PCDHA6: variants seen among roughly 807,000 people sequenced by gnomAD.
PCDHA6 encodes the protein protocadherin alpha 6.
In PCDHA6, 55 loss-of-function variants were observed where a neutral mutation model predicts 60.3. That is an observed-to-expected ratio of 0.91 (90% CI 0.73 to 1.14). PCDHA6 has a LOEUF of 1.14. Ranked by LOEUF, PCDHA6 falls within the 50% of genes most tolerant of loss-of-function variation. The pLI is 0.00. For missense variants in PCDHA6, 1,327 were observed against 1,256.5 expected, an observed-to-expected ratio of 1.06 and a Z score of -0.85; for synonymous variants, 652 against 557.9, an observed-to-expected ratio of 1.17 and a Z score of -2.38.
At chr5:140,863,467 G>C (rs2048034330) in intron 1 of PCDHA6, 2 of 502,402 alleles carry the variant, frequency 4.0e-6, no homozygotes, top group Non-Finnish European at 7.8e-6. Context: ...TTTTACTCTG[G>C]AGAGTCGCCT....
chr5:140,876,970 G>C, intron 1 of PCDHA6: 1 of 1,612,850 alleles, frequency 6.2e-7, no homozygotes. Context: ...GCGGCGGGTG[G>C]GCGAGCACGC....
At chr5:140,932,059 AT>A (rs2087988463) in intron 1 of PCDHA6, among the ~76,000 whole-genome samples, 1 of 151,936 alleles carries the variant, frequency 6.6e-6, no homozygotes, top group Non-Finnish European at 1.5e-5. Context: ...AATACTAAAA[AT>A]TATCAGTTTA....
At chr5:140,999,280 T>C (rs782502393) in intron 3 of PCDHA6, among the ~76,000 whole-genome samples, 2 of 152,228 alleles carry the variant, frequency 1.3e-5, no homozygotes, top group Non-Finnish European at 2.9e-5. Context: ...ATAGTAGTAA[T>C]ACCCATTCTT....
In PCDHA6 at chr5:140,868,996, G is replaced by A. The variant is rs2050789342; in HGVS notation, c.2394+38511G>A. ...CATCATACCGGATGCCACCGTTTAA[G>A]GATCCTTTGAAACTTCTTAAGAATT... is the stretch of plus-strand genomic sequence containing the variant. On this transcript the variant is annotated intron_variant, in intron 1 of 3. Transcript: ENST00000529310. The A allele has an allele frequency of 2.6e-6, 4 of 1,516,490 alleles. No individual in the cohort carries two copies. The African/African-American group carries it at 4.2e-5, about 16-fold the overall frequency. 93.9% of individuals were successfully genotyped at this position (1,516,490 alleles called of 1,614,324 possible).
At chr5:140,884,585 A>C in intron 1 of PCDHA6, 2 of 1,614,190 alleles carry the variant, frequency 1.2e-6, no homozygotes, top group Non-Finnish European at 1.7e-6. Context: ...CATGGCCTTC[A>C]GTCCCAGCCT....
At chr5:140,970,156 T>C (rs933887683) in intron 1 of PCDHA6, among the ~76,000 whole-genome samples, 6 of 152,188 alleles carry the variant, frequency 3.9e-5, no homozygotes, top group African/African-American at 1.4e-4. Context: ...CTCCCAATAG[T>C]CACCTTTCTT....
Position 140,875,195 on chromosome 5 carries a change from G to A in PCDHA6, c.2394+44710G>A, listed in dbSNP as rs1554167540. On this transcript the variant is annotated intron_variant, in intron 1 of 3. Transcript: ENST00000529310. ...AACATTAGAATTAAGAGTGACCCAG[G>A]AAGTGGCTAAACCGAAAAGAACCTC... is the stretch of plus-strand genomic sequence containing the variant. The A allele has an allele frequency of 1.5e-5, 8 of 526,354 alleles. No individual in the cohort carries two copies. The Admixed American group carries it at 1.6e-4, about 10-fold the overall frequency. 32.6% of individuals were successfully genotyped at this position (526,354 alleles called of 1,614,324 possible). A position where few individuals can be genotyped will look rare whatever the true frequency, so the allele number is the denominator to read the frequency against.
At chr5:140,840,282 G>A (rs1294599981) in intron 1 of PCDHA6, among the ~76,000 whole-genome samples, 2 of 151,906 alleles carry the variant, frequency 1.3e-5, no homozygotes, top group Non-Finnish European at 2.9e-5. Flanking sequence ...TGGGTTTTGG[G>A]TGATTATTGA....
intron 1 of PCDHA6, chr5:140,882,793 C>T (rs1176435531): frequency 1.9e-6 from 3 of 1,614,210 alleles, no homozygotes; most frequent in Non-Finnish European, 2.5e-6. Context: ...TGGATCCCAA[C>T]GATTATTTCA....
chr5:140,846,377 T>TCTC (rs1780417779), intron 1 of PCDHA6, among the ~76,000 whole-genome samples: 1 of 134,692 alleles, frequency 7.4e-6, no homozygotes, highest in African/African-American at 2.7e-5. Flanking sequence ...TTCTTTCTTT[T>TCTC]TTTTTTTTTT....
At position 140,879,431 on chromosome 5, in the gene PCDHA6, T is replaced by G. The variant is rs78313657; in HGVS notation, c.2394+48946T>G. 2.0e-5 allele frequency among the ~76,000 whole-genome samples: 3 copies of G among 152,202 alleles called. No homozygotes were observed. In the East Asian group the frequency reaches 5.8e-4, roughly 29 times the overall value. The stretch of plus-strand genomic sequence containing the variant: ...AGCAGGTAGGGAATGGAGATGAACA[T>G]TTAAGAAAATGTTACTTTGAAGTCC... On this transcript the variant is annotated intron_variant, in intron 1 of 3. Transcript: ENST00000529310.
chr5:140,830,593 A>G lies in PCDHA6; in HGVS notation c.2394+108A>G, dbSNP rs1771152792. 4.2e-6 allele frequency: 3 copies of G among 705,892 alleles called. No individual in the cohort carries two copies. The South Asian group carries it at 1.3e-4, about 30-fold the overall frequency. The allele number at this position is 705,892 out of a possible 1,614,324, so 43.7% of individuals were successfully genotyped here. A position where few individuals can be genotyped will look rare whatever the true frequency, so the allele number is the denominator to read the frequency against. ...TTTTTAATTTTTAATTAATTTTACA[A>G]AATTACATATTTTCATTTTATTGTG... On this transcript the variant is annotated intron_variant, in intron 1 of 3. Coordinates refer to ENST00000529310, the MANE Select transcript of PCDHA6 (RefSeq NM_018909.4).
At chr5:140,904,113 G>C (rs1051705657) in intron 1 of PCDHA6, among the ~76,000 whole-genome samples, 4 of 152,248 alleles carry the variant, frequency 2.6e-5, no homozygotes, top group African/African-American at 9.6e-5. Context: ...TCATTGCTGA[G>C]ATTTTGGTGC....
chr5:140,925,951 A>G (rs1057448284), intron 1 of PCDHA6, among the ~76,000 whole-genome samples: 2 of 152,102 alleles, frequency 1.3e-5, no homozygotes, highest in Admixed American at 1.3e-4. Flanking sequence ...GAGAAGGAGA[A>G]ACTGCTATCA....
chr5:140,869,375 A>C, intron 1 of PCDHA6: 1 of 1,614,116 alleles, frequency 6.2e-7, no homozygotes, highest in Non-Finnish European at 8.5e-7. Flanking sequence ...TCTCGGATCG[A>C]CCGCGAGGAG....
rs782334415 is a variant in PCDHA6 at position 141,009,744 on chromosome 5, A to T, written c.2660A>T (p.Lys887Ile). 8.1e-6 allele frequency: 13 copies of T among 1,614,028 alleles called. No homozygotes were observed. Among genetic ancestry groups the T allele is most frequent in the Non-Finnish European group, 1.1e-5 (13 of 1,180,034 alleles). The change falls in exon 4 of 4, where the codon AAA becomes ATA. Residue 887 changes from lysine (K) to isoleucine (I), a missense_variant. Transcript: ENST00000529310. Reference protein sequence around the residue: ...KQSGPGELPDKFIIPGSPAII... With the variant: ...KQSGPGELPDIFIIPGSPAII... ...TCCGGTCCCGGTGAGTTGCCCGACA[A>T]ATTCATTATCCCAGGATCTCCTGCA...
At position 140,857,848 on chromosome 5, in the gene PCDHA6, T is replaced by C. The variant is rs781886791; in HGVS notation, c.2394+27363T>C. The C allele has an allele frequency of 1.4e-5, 23 of 1,597,666 alleles. No homozygotes were observed. The highest frequency in any genetic ancestry group is 1.9e-5 in the Non-Finnish European group (22 of 1,167,550). The stretch of plus-strand genomic sequence containing the variant: ...AGGTGCGCGCAGTGGACGCTGACTC[T>C]GGATACAACGCGTGGCTGTCGTATG... On this transcript the variant is annotated intron_variant, in intron 1 of 3. Coordinates refer to ENST00000529310, the MANE Select transcript of PCDHA6 (RefSeq NM_018909.4).
chr5:140,850,369 G>T, intron 1 of PCDHA6: 1 of 1,597,922 alleles, frequency 6.3e-7, no homozygotes, highest in Non-Finnish European at 8.6e-7. Context: ...TTCCGCGTGG[G>T]GCTGTACACG....
intron 1 of PCDHA6, among the ~76,000 whole-genome samples, chr5:140,933,146 C>G (rs1554209206): frequency 1.3e-5 from 2 of 151,920 alleles, no homozygotes. Context: ...GATAGCCACT[C>G]ATTTTGTTCC....
Sources: gnomAD v4.1 joint callset for allele counts (sites outside exome capture counted in the v4.1 genomes callset) on GRCh38, gnomAD v4.1.1 for gene constraint, MANE v1.5 for transcripts, NCBI Gene and HGNC (gene_info 2026-07-23, HGNC 2026-07-21) for gene names.